The following SHLD2 variants were observed in gnomAD, a reference collection of about 807,000 sequenced individuals.
SHLD2 encodes the protein shieldin complex subunit 2, also known as RINN1-REV7-interacting novel NHEJ regulator 2.
SHLD2 carries 30 observed loss-of-function variants against 73.2 expected under a neutral mutation model. The observed-to-expected ratio is 0.41, with a 90% confidence interval of 0.31 to 0.56. The LOEUF is 0.56. Among genes scored for constraint, SHLD2 ranks in the 20% least tolerant of loss-of-function variants. The pLI is 0.28. For missense variants in SHLD2, 745 were observed against 1,055.9 expected, an observed-to-expected ratio of 0.71 and a Z score of 4.08; for synonymous variants, 285 against 370.1, an observed-to-expected ratio of 0.77 and a Z score of 2.64.
At chr10:87,100,777 C>G (rs184188867) in intron 2 of SHLD2, among the ~76,000 whole-genome samples, 1 of 152,060 alleles carries the variant, frequency 6.6e-6, no homozygotes, top group African/African-American at 2.4e-5. Context: ...TGTGCCAGGC[C>G]GATTACTCTA....
intron 2 of SHLD2, among the ~76,000 whole-genome samples, chr10:87,127,984 C>A (rs529467746): frequency 4.2e-4 from 64 of 152,000 alleles, no homozygotes; most frequent in Non-Finnish European, 7.1e-4. Flanking sequence ...ATTTAGTTTC[C>A]AGGGGTCAGG....
In SHLD2 at chr10:87,151,422, C is replaced by T. The variant is rs1303361877; in HGVS notation, c.68C>T (p.Ser23Leu). The T allele has an allele frequency of 1.6e-5, 26 of 1,607,016 alleles. No individual in the cohort carries two copies. The highest frequency in any genetic ancestry group is 2.0e-5 in the Non-Finnish European group (23 of 1,178,222). ...APIAPLKITV[S>L]EDTASLMSVA... Reference sequence around the variant, plus strand: ...ATTGCTCCACTGAAAATCACAGTATCAGAAGACACAGCTTCTTTAATGTCT... The same window carrying T: ...ATTGCTCCACTGAAAATCACAGTATTAGAAGACACAGCTTCTTTAATGTCT... The change falls in exon 3 of 10, where the codon TCA (serine) becomes TTA (leucine). Residue 23 changes from serine to leucine, a missense_variant. This residue lies in a region of SHLD2 where 280 missense variants were observed against 353.9 expected (regional missense o/e 0.79). Transcript: ENST00000298786.
At chr10:87,110,539 A>G (rs1564579073) in intron 2 of SHLD2, among the ~76,000 whole-genome samples, 1 of 148,014 alleles carries the variant, frequency 6.8e-6, no homozygotes, top group African/African-American at 2.5e-5. Context: ...CCCGGGAGGC[A>G]GAGGTTGCAG....
At chr10:87,145,260 T>C (rs1845524621) in intron 2 of SHLD2, among the ~76,000 whole-genome samples, 1 of 152,180 alleles carries the variant, frequency 6.6e-6, no homozygotes, top group South Asian at 2.1e-4. Flanking sequence ...GGGTTATTAG[T>C]ACTGTGTTGT....
chr10:87,115,171 T>C (rs899940767), intron 2 of SHLD2, among the ~76,000 whole-genome samples: 6 of 152,114 alleles, frequency 3.9e-5, no homozygotes, highest in Non-Finnish European at 8.8e-5. Context: ...TACCTCAGCC[T>C]CCAGAGTAGC....
intron 2 of SHLD2, among the ~76,000 whole-genome samples, chr10:87,147,122 C>T (rs1458373656): frequency 6.8e-6 from 1 of 147,306 alleles, no homozygotes; most frequent in East Asian, 2.0e-4. Context: ...ATCTCACATT[C>T]ATCTCAGATA....
At chr10:87,120,321 C>T (rs1024780556) in intron 2 of SHLD2, among the ~76,000 whole-genome samples, 5 of 151,820 alleles carry the variant, frequency 3.3e-5, no homozygotes, top group Admixed American at 2.0e-4. Context: ...GATCTCGGCT[C>T]ACTGCAAGCT....
intron 2 of SHLD2, chr10:87,115,291 T>A (rs1182857349): frequency 6.6e-6 from 1 of 152,192 alleles, no homozygotes; most frequent in Non-Finnish European, 1.5e-5. Context: ...CCTTAGGTGA[T>A]CCTCCTGCCT....
intron 2 of SHLD2, among the ~76,000 whole-genome samples, chr10:87,107,316 A>G (rs12219886): frequency 0.35 from 52,539 of 151,980 alleles, 9,539 homozygotes; most frequent in African/African-American, 0.44. Flanking sequence ...GGGGAGGCTG[A>G]GGCAGGAGAA....
In SHLD2 at chr10:87,175,959, A is replaced by G. The variant is rs760593462; in HGVS notation, c.2034A>G (p.Thr678=). The change falls in exon 7 of 10, where the codon ACA becomes ACG. Residue 678 remains threonine, a synonymous_variant. Coordinates refer to ENST00000298786, the MANE Select transcript of SHLD2 (RefSeq NM_001330112.2). ...CACTAGAAAACCTAGAATTGCATAC[A>G]ACGCCTTGGTCATCCTGTGAGTGCT... ...NYTLENLELH[T]TPWSSCECLF... 36 of 1,550,664 alleles carry G rather than the reference A, an allele frequency of 2.3e-5. 1 individual carries two copies. The South Asian group carries it at 3.6e-4, about 15-fold the overall frequency.
intron 2 of SHLD2, among the ~76,000 whole-genome samples, chr10:87,102,120 A>AT (rs1184723653): frequency 1.3e-5 from 2 of 152,180 alleles, no homozygotes; most frequent in African/African-American, 4.8e-5. Flanking sequence ...TGGACGCACC[A>AT]TAATTACTTT....
chr10:87,126,576 A>C (rs2134118035), intron 2 of SHLD2, among the ~76,000 whole-genome samples: 2 of 152,322 alleles, frequency 1.3e-5, no homozygotes, highest in African/African-American at 4.8e-5. Context: ...TTAAGGTATT[A>C]GTAAAGGAAA....
intron 2 of SHLD2, among the ~76,000 whole-genome samples, chr10:87,149,038 C>T (rs1029157320): frequency 1.3e-5 from 2 of 151,458 alleles, no homozygotes; most frequent in East Asian, 2.0e-4. Flanking sequence ...CAGGCTTGTG[C>T]CATCATGCCC....
At chr10:87,183,114 G>A (rs1271961636) in intron 8 of SHLD2, among the ~76,000 whole-genome samples, 1 of 152,220 alleles carries the variant, frequency 6.6e-6, no homozygotes, top group Non-Finnish European at 1.5e-5. Flanking sequence ...TGACTAGAGA[G>A]GAAGTGGTAG....
intron 2 of SHLD2, among the ~76,000 whole-genome samples, chr10:87,108,754 G>GT (rs1288915606): frequency 6.6e-6 from 1 of 152,178 alleles, no homozygotes; most frequent in Admixed American, 6.5e-5. Flanking sequence ...TAAACCCTTG[G>GT]TAAATACTTG....
intron 2 of SHLD2, among the ~76,000 whole-genome samples, chr10:87,100,624 C>T (rs1435773426): frequency 3.3e-5 from 5 of 151,896 alleles, no homozygotes; most frequent in South Asian, 2.1e-4. Context: ...ATTACAGGTG[C>T]GTGCCACTAC....
chr10:87,110,580 C>A (rs1482572786), intron 2 of SHLD2, among the ~76,000 whole-genome samples: 10 of 145,654 alleles, frequency 6.9e-5, no homozygotes, highest in African/African-American at 2.6e-4. Flanking sequence ...GCACTCCAGC[C>A]TGGGTGATGA....
intron 2 of SHLD2, among the ~76,000 whole-genome samples, chr10:87,124,906 A>G (rs1330555479): frequency 6.6e-6 from 1 of 151,932 alleles, no homozygotes; most frequent in Non-Finnish European, 1.5e-5. Context: ...CACTATGCCC[A>G]GCTTGTTTTT....
At chr10:87,190,391 G>C in intron 9 of SHLD2, 93 bp from the exon 10 acceptor site, 2 of 1,085,116 alleles carry the variant, frequency 1.8e-6, no homozygotes, top group Admixed American at 1.7e-5. Context: ...TTTGAGACTT[G>C]AGGAACCAAA....
Sources: gnomAD v4.1 joint callset for allele counts (sites outside exome capture counted in the v4.1 genomes callset) on GRCh38, gnomAD v4.1.1 for gene constraint, gnomAD v4.1.1 regional missense constraint, MANE v1.5 for transcripts, NCBI Gene and HGNC (gene_info 2026-07-23, HGNC 2026-07-21) for gene names.